Variants in PSG7 observed in about 807,000 individuals in gnomAD.
PSG7 encodes pregnancy specific beta-1-glycoprotein 7.
Under a neutral mutation model 45.6 loss-of-function variants are expected in PSG7, and 57 were observed. The ratio of observed to expected loss-of-function variants is 1.25; its 90% CI spans 1.01 to 1.56. The LOEUF (loss-of-function observed/expected upper bound fraction) is 1.56. PSG7 is among the 40% of genes most tolerant of loss of function. PSG7 has a pLI of 0.00. For synonymous variants in PSG7, 298 were observed against 194.4 expected (o/e 1.53, Z -4.43); for missense variants, 796 against 508.4 (o/e 1.57, Z -5.44).
chr19:42,926,600 T>G lies in PSG7; in HGVS notation c.826A>C (p.Asn276His), dbSNP rs1324651434. The G allele has an allele frequency of 1.9e-6, 3 of 1,610,272 alleles. No individual in the cohort carries two copies. In the South Asian group the frequency reaches 3.3e-5, roughly 18 times the overall value. Residue 276 changes from asparagine (N) to histidine (H), a missense_variant, in exon 4 of 6, where the codon AAT becomes CAT. Transcript: ENST00000406070. ...GGACTGACCGGGAGGCTCTGACCAT[T>G]TAGCCACCAAATGTAGGTGTAGTTC... ...SENYTYIWWL[N>H]GQSLPVSPRV...
intron 5 of PSG7, chr19:42,925,102 AC>A: frequency 2.0e-6 from 1 of 488,774 alleles, no homozygotes; most frequent in Non-Finnish European, 3.6e-6. Flanking sequence ...CTCAGATTAA[AC>A]CTTTACAAAA....
At chr19:42,935,908 AC>A (rs1973142881) in intron 1 of PSG7, 139 bp from the exon 2 acceptor site, 55 of 1,244,350 alleles carry the variant, frequency 4.4e-5, no homozygotes, top group African/African-American at 2.7e-4. Flanking sequence ...ACACACACAC[AC>A]ACACAAACAC....
chr19:42,924,537 C>G lies in PSG7; in HGVS notation c.*271G>C. On this transcript the variant is annotated 3_prime_UTR_variant, in exon 6 of 6. Transcript: ENST00000406070. ...CAGCTAAGAGGGGTGAGAGCCTCAT[C>G]ATGATGGGGAGTCTTATTCTGACAT... is the stretch of plus-strand genomic sequence containing the variant. 1 of 593,364 alleles carries G rather than the reference C, an allele frequency of 1.7e-6. No individual in the cohort carries two copies. The highest frequency in any genetic ancestry group is 2.2e-5 in the South Asian group (1 of 45,928). The allele number at this position is 593,364 out of a possible 1,614,324, so 36.8% of individuals were successfully genotyped here.
chr19:42,929,949 G>A lies in PSG7; in HGVS notation c.431-229C>T, dbSNP rs180967959. On this transcript the variant is annotated intron_variant, in intron 2 of 5. Transcript: ENST00000406070. ...ATGGACTTTCTCAAGTGTGAATTGAGCAGCAGCATTGGGTCATGGAAAGAC... is the reference window on the plus strand; with the variant it reads ...ATGGACTTTCTCAAGTGTGAATTGAACAGCAGCATTGGGTCATGGAAAGAC... Among the ~76,000 whole-genome samples the A allele has an allele frequency of 1.7e-4, 26 of 151,688 alleles. 2 individuals are homozygous for A. The highest frequency in any genetic ancestry group is 3.2e-4 in the Non-Finnish European group (22 of 67,870).
intron 2 of PSG7, 59 bp from the exon 3 acceptor site, chr19:42,929,779 A>G (rs1972980483): frequency 6.4e-7 from 1 of 1,564,552 alleles, no homozygotes; most frequent in Admixed American, 1.8e-5. Context: ...CTCCAAAGGC[A>G]TTTTTCAATC....
At chr19:42,933,394 A>C (rs1973075923) in intron 2 of PSG7, among the ~76,000 whole-genome samples, 1 of 140,296 alleles carries the variant, frequency 7.1e-6, no homozygotes, top group East Asian at 2.2e-4. Flanking sequence ...GGAACTGCCT[A>C]TCCCTGTCCC....
At position 42,932,996 on chromosome 19, in the gene PSG7, T is replaced by C. The variant is rs1220894657; in HGVS notation, c.430+2408A>G. On this transcript the variant is annotated intron_variant, in intron 2 of 5. Coordinates refer to ENST00000406070, the MANE Select transcript of PSG7 (RefSeq NM_002783.3). The stretch of plus-strand genomic sequence containing the variant: ...ATTCTGGCAACCGGCTGACCTCATC[T>C]ATACCTATGACTAATGGCTCAGCCA... Among the ~76,000 whole-genome samples the C allele has an allele frequency of 1.9e-4, 29 of 150,344 alleles. 2 individuals are homozygous for C. Among genetic ancestry groups the C allele is most frequent in the Admixed American group, 1.3e-3 (20 of 14,948 alleles).
At position 42,926,675 on chromosome 19, in the gene PSG7, G is replaced by T. The variant is rs768499882; in HGVS notation, c.751C>A (p.Pro251Thr). Residue 251 changes from proline (P) to threonine (T), a missense_variant, in exon 4 of 6, where the codon CCC becomes ACC. Pro to Thr is a conservative substitution (Grantham distance 38). Coordinates refer to ENST00000406070, the MANE Select transcript of PSG7 (RefSeq NM_002783.3). ...KPYITINNLNPRENKDVSTFT... is the reference protein window; with the variant it reads ...KPYITINNLNTRENKDVSTFT... ...GTTGAGACATCCTTATTCTCCCTGG[G>T]GTTTAAGTTATTGATGGTGATGTAG... is the stretch of plus-strand genomic sequence containing the variant. The T allele has an allele frequency of 1.9e-6, 3 of 1,610,150 alleles. No individual in the cohort carries two copies. In the African/African-American group the frequency reaches 4.0e-5, roughly 22 times the overall value.
chr19:42,935,325 C>T, intron 2 of PSG7, 79 bp downstream of exon 2: 3 of 1,552,022 alleles, frequency 1.9e-6, no homozygotes, highest in Admixed American at 1.7e-5. Flanking sequence ...AGGCACAGTC[C>T]AGGCCTGACA....
Position 42,929,823 on chromosome 19 carries a change from A to G in PSG7, c.431-103T>C, listed in dbSNP as rs575903372. ...CATTTCCAACCTCTCAGCCCACCCA[A>G]GTCCTTAAAAGCCCATGGCAGGTGT... On this transcript the variant is annotated intron_variant, in intron 2 of 5. Coordinates refer to ENST00000406070, the MANE Select transcript of PSG7 (RefSeq NM_002783.3). 2.2e-4 allele frequency: 319 copies of G among 1,466,592 alleles called. 8 individuals are homozygous for G. The African/African-American group carries it at 4.0e-3, about 19-fold the overall frequency. The allele number at this position is 1,466,592 out of a possible 1,614,324, so 90.8% of individuals were successfully genotyped here.
Position 42,926,325 on chromosome 19 carries a change from A to G in PSG7, c.988+113T>C, listed in dbSNP as rs1203123888. 9.9e-5 allele frequency: 153 copies of G among 1,548,880 alleles called. 2 individuals carry two copies. The highest frequency in any genetic ancestry group is 1.3e-4 in the Non-Finnish European group (148 of 1,148,456). ...ATGGCCAGCTCGGATGTCCAGAAGT[A>G]AATATGTCTATACTTGGACCGGAGA... On this transcript the variant is annotated intron_variant, in intron 4 of 5. Coordinates refer to ENST00000406070, the MANE Select transcript of PSG7 (RefSeq NM_002783.3).
chr19:42,927,856 T>C (rs1158973825), intron 3 of PSG7, among the ~76,000 whole-genome samples: 1 of 151,606 alleles, frequency 6.6e-6, no homozygotes, highest in Non-Finnish European at 1.5e-5. Context: ...TTGATGCCTA[T>C]AGTTCACAAA....
rs1973060126 is a variant in PSG7 at position 42,933,266 on chromosome 19, A to ATATATATATATAT, written c.430+2137_430+2138insATATATATATATA. Among the ~76,000 whole-genome samples, 31 of 15,738 alleles carry ATATATATATATAT rather than the reference A, an allele frequency of 2.0e-3. 5 individuals are homozygous for ATATATATATATAT. The highest frequency in any genetic ancestry group is 2.9e-3 in the Admixed American group (2 of 690). 10.3% of individuals were successfully genotyped at this position (15,738 alleles called of 152,430 possible). On this transcript the variant is annotated intron_variant, in intron 2 of 5. Coordinates refer to ENST00000406070, the MANE Select transcript of PSG7 (RefSeq NM_002783.3). ...ATTCTTTACTACAAATCACCATTTC[A>ATATATATATATAT]ATATATATATATATATATATATATA...
intron 4 of PSG7, 55 bp from the exon 5 acceptor site, chr19:42,926,082 C>T: frequency 1.9e-6 from 3 of 1,593,416 alleles, no homozygotes; most frequent in East Asian, 2.2e-5. Flanking sequence ...AGGGGATGCT[C>T]CTGGTCTCTT....
In PSG7 at chr19:42,933,302, TA is replaced by T. The variant is rs1394322080; in HGVS notation, c.430+2101del. ...ATATATATATATATATATATATATA[TA>T]TATATTTTTTTTTTTTTTTGGTGTA... is the stretch of plus-strand genomic sequence containing the variant. On this transcript the variant is annotated intron_variant, in intron 2 of 5. Transcript: ENST00000406070. 2.2e-3 allele frequency among the ~76,000 whole-genome samples: 50 copies of T among 23,140 alleles called. 1 individual carries two copies. Among genetic ancestry groups the T allele is most frequent in the African/African-American group, 5.1e-3 (44 of 8,578 alleles). 15.2% of individuals were successfully genotyped at this position (23,140 alleles called of 152,430 possible).
rs1237062305 is a variant in PSG7, at chr19:42,935,897, C to CACAG, written c.65-129_65-128insCTGT. ...AGACACACACACACACACACACACA[C>CACAG]ACACACACACACACACAAACACACA... On this transcript the variant is annotated intron_variant, in intron 1 of 5. Transcript: ENST00000406070. 90 of 1,249,378 alleles carry CACAG rather than the reference C, an allele frequency of 7.2e-5. 1 individual carries two copies. Among genetic ancestry groups the CACAG allele is most frequent in the South Asian group, 5.9e-4 (39 of 66,280 alleles). 77.4% of individuals were successfully genotyped at this position (1,249,378 alleles called of 1,614,324 possible).
Position 42,932,260 on chromosome 19 carries a change from T to C in PSG7, c.431-2540A>G, listed in dbSNP as rs530774203. Among the ~76,000 whole-genome samples, 61 of 151,536 alleles carry C rather than the reference T, an allele frequency of 4.0e-4. 5 individuals are homozygous for C. Among genetic ancestry groups the C allele is most frequent in the Non-Finnish European group, 6.5e-4 (44 of 67,848 alleles). Reference sequence around the variant, plus strand: ...GGATGGTCTGTATCTCCTGACCTTGTGCCTGCCTCGGCCTCCCAAAGTCCT... The same window carrying C: ...GGATGGTCTGTATCTCCTGACCTTGCGCCTGCCTCGGCCTCCCAAAGTCCT... On this transcript the variant is annotated intron_variant, in intron 2 of 5. Coordinates refer to ENST00000406070, the MANE Select transcript of PSG7 (RefSeq NM_002783.3).
At chr19:42,935,873 GAC>G (rs60833164) in intron 1 of PSG7, 104 bp from the exon 2 acceptor site, 73,064 of 724,918 alleles carry the variant, frequency 0.1, 1,540 homozygotes, top group Middle Eastern at 0.13. Context: ...CAGCCTTGAA[GAC>G]ACACACACAC....
Position 42,937,133 on chromosome 19 carries a change from T to G in PSG7, c.-57A>C. On this transcript the variant is annotated 5_prime_UTR_variant, in exon 1 of 6. Coordinates refer to ENST00000406070, the MANE Select transcript of PSG7 (RefSeq NM_002783.3). ...GAGATGAGCCTAGGATCCAGAATCT[T>G]CCTGAGCACGGCTGTCAGCTGTGCT... 9 of 1,588,048 alleles carry G rather than the reference T, an allele frequency of 5.7e-6. 1 individual carries two copies. The highest frequency in any genetic ancestry group is 4.5e-5 in the East Asian group (2 of 44,408).
Sources: gnomAD v4.1 joint callset for allele counts (sites outside exome capture counted in the v4.1 genomes callset) on GRCh38, gnomAD v4.1.1 for gene constraint, MANE v1.5 for transcripts, NCBI Gene and HGNC (gene_info 2026-07-23, HGNC 2026-07-21) for gene names.